The following MYZAP variants were observed in gnomAD, a reference collection of about 807,000 sequenced individuals.
MYZAP encodes GRINL1A complex locus upstream.
A neutral mutation model predicts 69.4 loss-of-function variants in MYZAP; 66 were observed. The observed-to-expected ratio is 0.95, with a 90% CI of 0.78 to 1.17. The LOEUF (loss-of-function observed/expected upper bound fraction) is 1.17. Among genes scored for constraint, MYZAP ranks in the 50% most tolerant of loss-of-function variants. MYZAP has a pLI of 0.00. For missense variants in MYZAP, 611 were observed against 556.2 expected (o/e 1.10, Z -0.99); for synonymous variants, 256 against 205.9 (o/e 1.24, Z -2.09).
chr15:57,592,445 A>G (rs2033737249), intron 1 of MYZAP, among the ~76,000 whole-genome samples: 1 of 152,222 alleles, frequency 6.6e-6, no homozygotes, highest in African/African-American at 2.4e-5. Context: ...GAGACTCAAA[A>G]GTAATGAATG....
chr15:57,630,563 G>A (rs1392725975), intron 6 of MYZAP, among the ~76,000 whole-genome samples: 10 of 152,110 alleles, frequency 6.6e-5, no homozygotes, highest in African/African-American at 2.2e-4. Flanking sequence ...AAGAAAATTG[G>A]TGGGTGACTA....
At chr15:57,631,465 G>GAAAAA (rs58374321) in intron 6 of MYZAP, among the ~76,000 whole-genome samples, 1 of 149,572 alleles carries the variant, frequency 6.7e-6, no homozygotes, top group African/African-American at 2.5e-5. Flanking sequence ...CCCAAATTGG[G>GAAAAA]AAAAAAAAAA....
chr15:57,673,420 TTCTC>T (rs144001910), intron 11 of MYZAP, among the ~76,000 whole-genome samples: 2 of 144,412 alleles, frequency 1.4e-5, no homozygotes, highest in African/African-American at 5.1e-5. Context: ...CACTGTCTCT[TTCTC>T]TCTCTCTCTC....
chr15:57,646,918 T>A (rs2037475596), intron 10 of MYZAP: 1 of 985,328 alleles, frequency 1.0e-6, no homozygotes, highest in Middle Eastern at 5.2e-4. Context: ...TTTATAGAGG[T>A]CTTTCTTGAG....
chr15:57,654,274 C>T (rs567214283), intron 10 of MYZAP, among the ~76,000 whole-genome samples: 4 of 152,102 alleles, frequency 2.6e-5, no homozygotes, highest in African/African-American at 9.6e-5. Flanking sequence ...TCTTCTGTTA[C>T]CATCATGGCT....
chr15:57,640,765 T>C (rs1290426065), intron 10 of MYZAP, among the ~76,000 whole-genome samples: 1 of 152,224 alleles, frequency 6.6e-6, no homozygotes, highest in Non-Finnish European at 1.5e-5. Context: ...TTATACTGTG[T>C]TGAATCATGT....
At chr15:57,652,269 C>T (rs1403501865) in intron 10 of MYZAP, among the ~76,000 whole-genome samples, 1 of 152,146 alleles carries the variant, frequency 6.6e-6, no homozygotes, top group East Asian at 1.9e-4. Flanking sequence ...CTTTACTCCC[C>T]CCCAAATGAG....
intron 6 of MYZAP, 65 bp from the exon 7 acceptor site, chr15:57,632,369 A>G (rs2036555715): frequency 1.2e-6 from 2 of 1,605,974 alleles, no homozygotes; most frequent in African/African-American, 1.3e-5. Context: ...TGAAATGTGC[A>G]GTGGAAGCTG....
At position 57,591,976 on chromosome 15, in the gene MYZAP, C is replaced by A. The variant is rs1475022241; in HGVS notation, c.-59C>A. 3.3e-5 allele frequency: 46 copies of A among 1,373,686 alleles called. No individual in the cohort carries two copies. The highest frequency in any genetic ancestry group is 3.7e-5 in the Non-Finnish European group (39 of 1,065,380). The allele number at this position is 1,373,686 out of a possible 1,614,324, so 85.1% of individuals were successfully genotyped here. ...GCCCCCGCGCAGGGCGGGCCCCGCA[C>A]GCTTATTCTGCCCGGGAGGAACGCC... On this transcript the variant is annotated 5_prime_UTR_variant, in exon 1 of 13. Coordinates refer to ENST00000267853, the MANE Select transcript of MYZAP (RefSeq NM_001018100.5).
intron 11 of MYZAP, among the ~76,000 whole-genome samples, chr15:57,669,542 T>G (rs2038771021): frequency 1.3e-5 from 2 of 152,128 alleles, no homozygotes. Context: ...TTTAACCAGA[T>G]AGTGGGTTAT....
intron 1 of MYZAP, among the ~76,000 whole-genome samples, chr15:57,597,645 A>G (rs2034147545): frequency 6.6e-6 from 1 of 152,210 alleles, no homozygotes; most frequent in Non-Finnish European, 1.5e-5. Context: ...TACAGAACAC[A>G]GCCACAGAAA....
intron 6 of MYZAP, 126 bp from the exon 7 acceptor site, chr15:57,632,308 C>G: frequency 2.7e-6 from 4 of 1,472,158 alleles, no homozygotes; most frequent in South Asian, 1.3e-5. Context: ...TGCTGTGTCT[C>G]TCTGCTGCAG....
intron 10 of MYZAP, among the ~76,000 whole-genome samples, chr15:57,658,602 G>A (rs1258239283): frequency 4.6e-5 from 7 of 152,154 alleles, no homozygotes; most frequent in Non-Finnish European, 8.8e-5. Flanking sequence ...TTTTGTGTCC[G>A]TGTTAGCTCT....
rs547791513 is a variant in MYZAP, at chr15:57,606,262, A to G, written c.162+1907A>G. 8.5e-5 allele frequency among the ~76,000 whole-genome samples: 13 copies of G among 152,326 alleles called. No individual in the cohort carries two copies. In the South Asian group the frequency reaches 2.5e-3, roughly 29 times the overall value. ...CAATAGTGGAACGAGCTGATGTTACATGACTTCTGAGGTGATTCACCTAAG... is the reference window on the plus strand; with the variant it reads ...CAATAGTGGAACGAGCTGATGTTACGTGACTTCTGAGGTGATTCACCTAAG... On this transcript the variant is annotated intron_variant, in intron 2 of 12. Coordinates refer to ENST00000267853, the MANE Select transcript of MYZAP (RefSeq NM_001018100.5).
At chr15:57,650,422 A>C (rs553455836) in intron 10 of MYZAP, among the ~76,000 whole-genome samples, 4 of 152,316 alleles carry the variant, frequency 2.6e-5, no homozygotes, top group Admixed American at 2.6e-4. Context: ...TCTGGCTGAC[A>C]TTTAAACTCA....
In MYZAP at chr15:57,621,588, A is replaced by C. The variant is rs1371602761; in HGVS notation, c.319-20A>C. ...AAATGTTATGGCTTGATCTCTAACTAGTATCTTTGTGGGCTACAGGTGAGA... is the reference window on the plus strand; with the variant it reads ...AAATGTTATGGCTTGATCTCTAACTCGTATCTTTGTGGGCTACAGGTGAGA... On this transcript the variant is annotated intron_variant, in intron 3 of 12. Transcript: ENST00000267853. 3 of 1,610,208 alleles carry C rather than the reference A, an allele frequency of 1.9e-6. No homozygotes were observed. The East Asian group carries it at 6.7e-5, about 36-fold the overall frequency.
chr15:57,656,839 A>G (rs1174734943), intron 10 of MYZAP, among the ~76,000 whole-genome samples: 7 of 152,210 alleles, frequency 4.6e-5, no homozygotes, highest in African/African-American at 1.7e-4. Context: ...TTAATTCAGC[A>G]CAATAGCATA....
intron 11 of MYZAP, among the ~76,000 whole-genome samples, chr15:57,670,204 G>A (rs2038801739): frequency 1.3e-5 from 2 of 152,020 alleles, no homozygotes; most frequent in Non-Finnish European, 2.9e-5. Flanking sequence ...AGAGAAAGGT[G>A]TTATAATCCC....
rs1277717097 is a variant in MYZAP, at chr15:57,661,599, C to T, written c.1203+66C>T. The T allele has an allele frequency of 4.5e-6, 6 of 1,334,656 alleles. No individual in the cohort carries two copies. The Admixed American group carries it at 9.3e-5, about 21-fold the overall frequency. 82.7% of individuals were successfully genotyped at this position (1,334,656 alleles called of 1,614,324 possible). ...ATTAAATTTTATGTTGCTAAGCCTACCACCGACACTTAATTAAAAATATGG... is the reference window on the plus strand; with the variant it reads ...ATTAAATTTTATGTTGCTAAGCCTATCACCGACACTTAATTAAAAATATGG... On this transcript the variant is annotated intron_variant, in intron 11 of 12. Coordinates refer to ENST00000267853, the MANE Select transcript of MYZAP (RefSeq NM_001018100.5).
Sources: allele counts gnomAD v4.1 joint callset (sites outside exome capture counted in the v4.1 genomes callset), GRCh38; gene constraint gnomAD v4.1.1; transcripts MANE v1.5; gene names NCBI Gene and HGNC (gene_info 2026-07-23, HGNC 2026-07-21).